CACNA2D1: variants seen among roughly 807,000 people sequenced by gnomAD.
CACNA2D1 encodes voltage-dependent calcium channel subunit alpha-2/delta-1.
Under a neutral mutation model 171.5 loss-of-function variants are expected in CACNA2D1, and 53 were observed. That is an observed-to-expected ratio of 0.31 (90% CI 0.25 to 0.39). The LOEUF is 0.39. CACNA2D1 is among the 10% of genes least tolerant of loss of function. The pLI, the probability that CACNA2D1 is intolerant of heterozygous loss-of-function variation, is 1.00. For synonymous variants in CACNA2D1, 442 were observed against 443.1 expected, an observed-to-expected ratio of 1.00 and a Z score of 0.03; for missense variants, 903 against 1,299.8, an observed-to-expected ratio of 0.69 and a Z score of 4.69.
intron 1 of CACNA2D1, among the ~76,000 whole-genome samples, chr7:82,356,622 A>C (rs1820450263): frequency 1.3e-5 from 2 of 152,176 alleles, no homozygotes; most frequent in Non-Finnish European, 2.9e-5. Context: ...ATTGAATAGA[A>C]AAGTAAATTG....
At chr7:82,140,175 C>T (rs1252373361) in intron 4 of CACNA2D1, among the ~76,000 whole-genome samples, 1 of 151,872 alleles carries the variant, frequency 6.6e-6, no homozygotes, top group Non-Finnish European at 1.5e-5. Flanking sequence ...ACAAAACTGA[C>T]TTTTTATAGA....
chr7:82,152,071 C>T (rs6955445), intron 4 of CACNA2D1, among the ~76,000 whole-genome samples: 60,600 of 151,578 alleles, frequency 0.4, 12,918 homozygotes, highest in African/African-American at 0.56. Context: ...TATATCTAAG[C>T]TTTATATTCC....
At chr7:82,063,013 T>C (rs1807143440) in intron 9 of CACNA2D1, among the ~76,000 whole-genome samples, 1 of 152,094 alleles carries the variant, frequency 6.6e-6, no homozygotes, top group Non-Finnish European at 1.5e-5. Flanking sequence ...TCCCAAGTGA[T>C]GGGATCACAG....
intron 3 of CACNA2D1, among the ~76,000 whole-genome samples, chr7:82,294,519 CT>C (rs1354568337): frequency 1.3e-5 from 2 of 151,922 alleles, no homozygotes; most frequent in African/African-American, 4.8e-5. Flanking sequence ...CTATTTTATT[CT>C]GGAAGGAAAA....
At chr7:82,002,240 C>T (rs2130842805) in intron 18 of CACNA2D1, among the ~76,000 whole-genome samples, 1 of 152,056 alleles carries the variant, frequency 6.6e-6, no homozygotes, top group South Asian at 2.1e-4. Flanking sequence ...AAAAGACGCC[C>T]TAGAGAGAGA....
In CACNA2D1 at chr7:82,149,779, A is replaced by AC. The variant is rs1157172641; in HGVS notation, c.355-13104_355-13103insG. Among the ~76,000 whole-genome samples the AC allele has an allele frequency of 1.3e-3, 194 of 144,344 alleles. 2 individuals are homozygous for AC. Among genetic ancestry groups the AC allele is most frequent in the African/African-American group, 4.5e-3 (181 of 39,998 alleles). The allele number at this position is 144,344 out of a possible 152,430, so 94.7% of individuals were successfully genotyped here. A position where few individuals can be genotyped will look rare whatever the true frequency, so the allele number is the denominator to read the frequency against. On this transcript the variant is annotated intron_variant, in intron 4 of 38. Coordinates refer to ENST00000356860, the MANE Select transcript of CACNA2D1 (RefSeq NM_000722.4). ...CTGTCTCTACTAAAAATACAAAAAA[A>AC]AAACAAACAAACAACAAAAAAAAAA...
chr7:82,028,030 G>A (rs533847858), intron 12 of CACNA2D1: 1 of 151,798 alleles, frequency 6.6e-6, no homozygotes, highest in Non-Finnish European at 1.5e-5. Context: ...TTTCAATGTA[G>A]AGAAAACAGC....
At chr7:82,374,147 T>C (rs918912043) in intron 1 of CACNA2D1, among the ~76,000 whole-genome samples, 1 of 152,004 alleles carries the variant, frequency 6.6e-6, no homozygotes, top group Non-Finnish European at 1.5e-5. Flanking sequence ...TCCAAGACAG[T>C]GTAAATGTTT....
intron 3 of CACNA2D1, among the ~76,000 whole-genome samples, chr7:82,262,502 T>G (rs1807256037): frequency 1.3e-5 from 2 of 152,184 alleles, no homozygotes; most frequent in African/African-American, 4.8e-5. Context: ...ATGGTGTTAT[T>G]TCTAGAGCAT....
Position 82,181,041 on chromosome 7 carries a change from A to ATTTTTTTTTTTTTTTTTTTTTTTTTTTTT in CACNA2D1, c.295-10461_295-10433dup, listed in dbSNP as rs71093367. On this transcript the variant is annotated intron_variant, in intron 3 of 38. Transcript: ENST00000356860. The stretch of plus-strand genomic sequence containing the variant: ...GGTCAGCAGCTGTGGGGCATGTCGG[A>ATTTTTTTTTTTTTTTTTTTTTTTTTTTTT]TTTTTTTTTTTTTTTTTTTTTTTTT... 2.1e-4 allele frequency among the ~76,000 whole-genome samples: 3 copies of ATTTTTTTTTTTTTTTTTTTTTTTTTTTTT among 13,960 alleles called. 1 individual carries two copies. The highest frequency in any genetic ancestry group is 4.5e-4 in the Non-Finnish European group (3 of 6,626). 9.2% of individuals were successfully genotyped at this position (13,960 alleles called of 152,430 possible).
At chr7:82,316,972 C>T (rs1006358260) in intron 3 of CACNA2D1, among the ~76,000 whole-genome samples, 1 of 152,126 alleles carries the variant, frequency 6.6e-6, no homozygotes, top group East Asian at 1.9e-4. Context: ...ACAGCCAAAC[C>T]ATATCAATCT....
intron 1 of CACNA2D1, among the ~76,000 whole-genome samples, chr7:82,360,787 T>G (rs1459956305): frequency 1.3e-5 from 2 of 152,220 alleles, no homozygotes; most frequent in Non-Finnish European, 1.5e-5. Context: ...TTGACTCATG[T>G]GGCACTTCTT....
At chr7:82,384,656 A>G (rs1824122001) in intron 1 of CACNA2D1, among the ~76,000 whole-genome samples, 1 of 152,220 alleles carries the variant, frequency 6.6e-6, no homozygotes, top group Non-Finnish European at 1.5e-5. Flanking sequence ...GAAAAAAGAA[A>G]AAACTTTTGT....
intron 1 of CACNA2D1, among the ~76,000 whole-genome samples, chr7:82,383,489 A>C (rs1362252999): frequency 6.6e-6 from 1 of 152,238 alleles, no homozygotes. Flanking sequence ...GGAATCACAG[A>C]AGAATGATGT....
At chr7:82,218,579 A>T (rs1801428624) in intron 3 of CACNA2D1, among the ~76,000 whole-genome samples, 1 of 152,186 alleles carries the variant, frequency 6.6e-6, no homozygotes, top group Admixed American at 6.5e-5. Flanking sequence ...AGATTTTTTT[A>T]AAGTTATAAA....
intron 24 of CACNA2D1, among the ~76,000 whole-genome samples, chr7:81,979,690 A>C (rs570604933): frequency 8.5e-5 from 13 of 152,294 alleles, no homozygotes; most frequent in African/African-American, 2.2e-4. Context: ...AATACTGAGA[A>C]AATTCTTTCT....
At chr7:82,268,441 T>A (rs56165218) in intron 3 of CACNA2D1, among the ~76,000 whole-genome samples, 37,006 of 152,152 alleles carry the variant, frequency 0.24, 4,986 homozygotes, top group Non-Finnish European at 0.31. Flanking sequence ...TGAAACATAC[T>A]GTTTAACGTT....
chr7:82,204,245 C>G lies in CACNA2D1; in HGVS notation c.295-33636G>C, dbSNP rs368607926. 5.3e-5 allele frequency among the ~76,000 whole-genome samples: 8 copies of G among 152,262 alleles called. No individual in the cohort carries two copies. In the South Asian group the frequency reaches 1.7e-3, roughly 32 times the overall value. On this transcript the variant is annotated intron_variant, in intron 3 of 38. Coordinates refer to ENST00000356860, the MANE Select transcript of CACNA2D1 (RefSeq NM_000722.4). ...CTAGAGCAATGTGAATGGTGATCACCAAGGAGGTGACAACTATGATAACCT... is the reference window on the plus strand; with the variant it reads ...CTAGAGCAATGTGAATGGTGATCACGAAGGAGGTGACAACTATGATAACCT...
chr7:82,389,884 G>A (rs539158614), intron 1 of CACNA2D1, among the ~76,000 whole-genome samples: 1 of 152,266 alleles, frequency 6.6e-6, no homozygotes. Context: ...TTTGTTTAAA[G>A]TCTCCATAAG....
Sources: gnomAD v4.1 joint callset for allele counts (sites outside exome capture counted in the v4.1 genomes callset) on GRCh38, gnomAD v4.1.1 for gene constraint, MANE v1.5 for transcripts, NCBI Gene and HGNC (gene_info 2026-07-23, HGNC 2026-07-21) for gene names.